Variants in C12orf76 observed in about 807,000 individuals in gnomAD.
C12orf76 encodes chromosome 12 open reading frame 76.
A neutral mutation model predicts 6.8 loss-of-function variants in C12orf76; 6 were observed. The ratio of observed to expected loss-of-function variants is 0.88; its 90% CI spans 0.48 to 1.73. The LOEUF is 1.73. Ranked by LOEUF, C12orf76 falls within the 40% of genes most tolerant of loss-of-function variation. The pLI is 0.01. For synonymous variants in C12orf76, 56 were observed against 43.7 expected (o/e 1.28, Z -1.11); for missense variants, 99 against 98.2 (o/e 1.01, Z -0.03).
At chr12:110,055,978 C>G (rs1892659343) in intron 4 of C12orf76, among the ~76,000 whole-genome samples, 1 of 151,180 alleles carries the variant, frequency 6.6e-6, no homozygotes, top group Admixed American at 6.6e-5. Context: ...GAGGCTGAGG[C>G]AGGAAAATCG....
At chr12:110,049,799 A>G (rs1790273607), upstream of C12orf76, 1 of 152,194 alleles carries the variant, frequency 6.6e-6, no homozygotes, top group Non-Finnish European at 1.5e-5. Flanking sequence ...TCAACTCATA[A>G]CTTAGAAACC....
chr12:110,058,028 C>T (rs1252468040), intron 3 of C12orf76, among the ~76,000 whole-genome samples: 1 of 121,162 alleles, frequency 8.3e-6, no homozygotes, highest in Non-Finnish European at 1.6e-5. Context: ...CACGCCATTG[C>T]AAACTCCAGC....
chr12:110,042,379 G>T lies in C12orf76; in HGVS notation c.214C>A (p.Arg72=). The T allele has an allele frequency of 6.2e-7, 1 of 1,613,410 alleles. No homozygotes were observed. Among genetic ancestry groups the T allele is most frequent in the Non-Finnish European group, 8.5e-7 (1 of 1,179,352 alleles). ...TTGAAGAACTTGTCTGGCTGTCACC[G>T]ACGCCGAATGGGCTTGTAGACACAA... is the stretch of plus-strand genomic sequence containing the variant. The part of the protein sequence containing the change: ...AFCVYKPIRR[R] Residue 72 remains arginine (R), a synonymous_variant, in exon 2 of 2, where the codon CGG becomes AGG. Transcript: ENST00000615315.
chr12:110,044,874 G>A (rs548477663), intron 1 of C12orf76, among the ~76,000 whole-genome samples: 1 of 152,214 alleles, frequency 6.6e-6, no homozygotes, highest in Non-Finnish European at 1.5e-5. Flanking sequence ...TTGGGAGGCT[G>A]AGGCAGGAGA....
At chr12:110,042,751 A>G (rs1892346568) in intron 1 of C12orf76, 3 of 613,728 alleles carry the variant, frequency 4.9e-6, no homozygotes, top group Admixed American at 5.4e-5. Flanking sequence ...GAAGCATCCG[A>G]GGAGGAGACT....
chr12:110,049,106 G>A (rs1231005402), upstream of C12orf76: 1 of 152,240 alleles, frequency 6.6e-6, no homozygotes, highest in Non-Finnish European at 1.5e-5. Context: ...TAAAGTCCAC[G>A]AGCACAGCGA....
At chr12:110,070,383 A>G (rs947570011), upstream of C12orf76, among the ~76,000 whole-genome samples, 2 of 152,126 alleles carry the variant, frequency 1.3e-5, no homozygotes, top group Non-Finnish European at 2.9e-5. Flanking sequence ...GGGCAACATA[A>G]GGAAAGCCCT....
At chr12:110,065,727 C>T (rs1365638403) in intron 2 of C12orf76, 1 of 1,499,186 alleles carries the variant, frequency 6.7e-7, no homozygotes, top group African/African-American at 1.4e-5. Context: ...CCCATGAGAG[C>T]TTCTAGAAAC....
chr12:110,045,742 T>C (rs535047184), intron 1 of C12orf76, among the ~76,000 whole-genome samples: 2 of 150,494 alleles, frequency 1.3e-5, no homozygotes, highest in Admixed American at 1.3e-4. Context: ...GCAGATCACT[T>C]GAGATCAAGA....
At chr12:110,064,623 TG>T (rs1892828001) in intron 2 of C12orf76, among the ~76,000 whole-genome samples, 1 of 152,194 alleles carries the variant, frequency 6.6e-6, no homozygotes, top group African/African-American at 2.4e-5. Flanking sequence ...TGCTGGGGTT[TG>T]GGGGGACAGC....
At chr12:110,048,331 A>G in intron 1 of C12orf76, 32 bp downstream of exon 1, 1 of 1,474,784 alleles carries the variant, frequency 6.8e-7, no homozygotes, top group Non-Finnish European at 9.0e-7. Context: ...CTCAGGCACT[A>G]CCCGCCGCCC....
chr12:110,042,852 G>A (rs1445678402), intron 1 of C12orf76, among the ~76,000 whole-genome samples: 1 of 151,996 alleles, frequency 6.6e-6, no homozygotes, highest in Non-Finnish European at 1.5e-5. Flanking sequence ...GAGGTCAGGA[G>A]TTCGAGACTA....
chr12:110,067,982 C>A (rs1442974562), upstream of C12orf76, among the ~76,000 whole-genome samples: 1 of 151,980 alleles, frequency 6.6e-6, no homozygotes, highest in Non-Finnish European at 1.5e-5. Flanking sequence ...GAGGCTGAGG[C>A]AGGCGGATCA....
chr12:110,060,820 G>A (rs749417158), intron 2 of C12orf76, among the ~76,000 whole-genome samples: 3 of 152,034 alleles, frequency 2.0e-5, no homozygotes, highest in Non-Finnish European at 4.4e-5. Flanking sequence ...CGGATCACCT[G>A]AGGCCAGGAG....
At chr12:110,047,937 T>C (rs1309494484) in intron 1 of C12orf76, among the ~76,000 whole-genome samples, 4 of 152,256 alleles carry the variant, frequency 2.6e-5, no homozygotes, top group South Asian at 2.1e-4. Context: ...GGTCTCCCGA[T>C]TGCAGTTCAT....
chr12:110,059,483 C>T (rs1892732490), intron 2 of C12orf76, among the ~76,000 whole-genome samples: 1 of 152,222 alleles, frequency 6.6e-6, no homozygotes, highest in Non-Finnish European at 1.5e-5. Flanking sequence ...ATGCTCCTAA[C>T]AACTGTGCTC....
upstream of C12orf76, among the ~76,000 whole-genome samples, chr12:110,053,637 T>C (rs144564442): frequency 8.8e-4 from 134 of 152,320 alleles, 1 homozygote; most frequent in African/African-American, 3.0e-3. Flanking sequence ...GACCCAGCAA[T>C]AAAACTCTTA....
intron 1 of C12orf76, among the ~76,000 whole-genome samples, chr12:110,045,021 G>A (rs1325266047): frequency 6.6e-6 from 1 of 151,946 alleles, no homozygotes; most frequent in Non-Finnish European, 1.5e-5. Context: ...TTTTTGGTGA[G>A]TGAGGGGGAA....
intron 2 of C12orf76, among the ~76,000 whole-genome samples, chr12:110,060,090 G>A (rs1892743777): frequency 6.6e-6 from 1 of 152,026 alleles, no homozygotes; most frequent in South Asian, 2.1e-4. Flanking sequence ...GCCAGGCATG[G>A]TGGCACATGC....
Sources: gnomAD v4.1 joint callset for allele counts (sites outside exome capture counted in the v4.1 genomes callset) on GRCh38, gnomAD v4.1.1 for gene constraint, MANE v1.5 for transcripts, NCBI Gene and HGNC (gene_info 2026-07-23, HGNC 2026-07-21) for gene names.